The following MAP2K6 variants were observed in gnomAD, a reference collection of about 807,000 sequenced individuals.
MAP2K6 encodes dual specificity mitogen-activated protein kinase kinase 6.
A neutral mutation model predicts 53.7 loss-of-function variants in MAP2K6; 16 were observed. The ratio of observed to expected loss-of-function variants is 0.30; its 90% CI spans 0.20 to 0.45. The LOEUF is 0.45. MAP2K6 is among the 20% of genes least tolerant of loss of function. The pLI, the probability that MAP2K6 is intolerant of heterozygous loss-of-function variation, is 1.00. For missense variants in MAP2K6, 204 were observed against 411.9 expected (o/e 0.50, Z 4.37); for synonymous variants, 132 against 143.1 (o/e 0.92, Z 0.55).
rs569842239 is a variant in MAP2K6, at chr17:69,439,923, A to G, written c.16+24923A>G. Among the ~76,000 whole-genome samples the G allele has an allele frequency of 2.6e-5, 4 of 152,352 alleles. No homozygotes were observed. The East Asian group carries it at 5.8e-4, about 22-fold the overall frequency. ...ATAAGTGTTGTCTCATTTAAATTTC[A>G]TAATAGTTTTACGAAGTTGCTACTA... On this transcript the variant is annotated intron_variant, in intron 1 of 11. Coordinates refer to ENST00000590474, the MANE Select transcript of MAP2K6 (RefSeq NM_002758.4).
Position 69,536,065 on chromosome 17 carries a change from G to A in MAP2K6, c.882-50G>A, listed in dbSNP as rs1268214001. The A allele has an allele frequency of 8.7e-6, 11 of 1,266,010 alleles. No individual in the cohort carries two copies. In the Admixed American group the frequency reaches 1.9e-4, roughly 22 times the overall value. The allele number at this position is 1,266,010 out of a possible 1,614,324, so 78.4% of individuals were successfully genotyped here. On this transcript the variant is annotated intron_variant, in intron 10 of 11. Transcript: ENST00000590474. ...ACAGGTTCTGAAATCCTTGTCTAAT[G>A]AAAATATATATGGCTTCTAGATTTT... is the stretch of plus-strand genomic sequence containing the variant.
intron 1 of MAP2K6, among the ~76,000 whole-genome samples, chr17:69,430,228 C>T (rs1806958): frequency 0.084 from 12,738 of 151,896 alleles, 1,038 homozygotes; most frequent in East Asian, 0.42. Context: ...CTCAGCTACT[C>T]GGGAGGCTGA....
intron 1 of MAP2K6, among the ~76,000 whole-genome samples, chr17:69,470,159 ACACCATTG>A (rs1395556220): frequency 7.9e-5 from 12 of 152,128 alleles, no homozygotes; most frequent in Non-Finnish European, 2.9e-5. Context: ...GAGCCTCATC[ACACCATTG>A]CACTCCAGCC....
chr17:69,419,913 C>A (rs1344869673), intron 1 of MAP2K6, among the ~76,000 whole-genome samples: 122 of 137,468 alleles, frequency 8.9e-4, no homozygotes, highest in African/African-American at 1.0e-3. Flanking sequence ...GACTTCATCT[C>A]AAAAAAAAAA....
chr17:69,445,217 G>T (rs1906935077), intron 1 of MAP2K6, among the ~76,000 whole-genome samples: 1 of 152,188 alleles, frequency 6.6e-6, no homozygotes, highest in Non-Finnish European at 1.5e-5. Context: ...CACCACACCA[G>T]CCCCAAAGTA....
Position 69,545,479 on chromosome 17 carries a change from C to T in MAP2K6, c.*3726C>T, listed in dbSNP as rs1198234073. On this transcript the variant is annotated 3_prime_UTR_variant, in exon 12 of 12. Transcript: ENST00000590474. ...TGAAATGGAAACGAGTATGTATGGGCATGGCTTGAAATTGTTTGTATTTTA... is the reference window on the plus strand; with the variant it reads ...TGAAATGGAAACGAGTATGTATGGGTATGGCTTGAAATTGTTTGTATTTTA... The T allele has an allele frequency of 1.3e-5, 2 of 152,182 alleles. No homozygotes were observed. The highest frequency in any genetic ancestry group is 2.9e-5 in the Non-Finnish European group (2 of 68,034). 9.4% of individuals were successfully genotyped at this position (152,182 alleles called of 1,614,324 possible).
intron 1 of MAP2K6, among the ~76,000 whole-genome samples, chr17:69,427,089 G>A (rs1482573664): frequency 2.0e-5 from 3 of 152,198 alleles, no homozygotes; most frequent in African/African-American, 7.2e-5. Context: ...AATAATCAAC[G>A]TCTAGCTGGG....
intron 1 of MAP2K6, among the ~76,000 whole-genome samples, chr17:69,426,955 A>G (rs1906293169): frequency 6.6e-6 from 1 of 152,196 alleles, no homozygotes; most frequent in Non-Finnish European, 1.5e-5. Flanking sequence ...ATCATATCTC[A>G]TACTTTTAGG....
chr17:69,493,305 GTT>G (rs1491363376), intron 1 of MAP2K6, among the ~76,000 whole-genome samples: 5 of 104,650 alleles, frequency 4.8e-5, no homozygotes, highest in Non-Finnish European at 8.4e-5. Flanking sequence ...CAGTGTATGT[GTT>G]TGTGTGTGTG....
chr17:69,445,222 A>G (rs772962599), intron 1 of MAP2K6, among the ~76,000 whole-genome samples: 4 of 152,222 alleles, frequency 2.6e-5, no homozygotes, highest in Non-Finnish European at 4.4e-5. Context: ...CACCAGCCCC[A>G]AAGTACATTT....
chr17:69,506,347 T>C (rs1455079084), intron 2 of MAP2K6, among the ~76,000 whole-genome samples: 1 of 151,888 alleles, frequency 6.6e-6, no homozygotes, highest in Non-Finnish European at 1.5e-5. Context: ...CTAAGTCAGC[T>C]CAAGTCCTAG....
intron 2 of MAP2K6, among the ~76,000 whole-genome samples, chr17:69,511,671 G>A (rs1909825147): frequency 6.6e-6 from 1 of 152,222 alleles, no homozygotes; most frequent in Non-Finnish European, 1.5e-5. Flanking sequence ...CAGGTGCATT[G>A]CTCCAAGCTG....
At chr17:69,519,197 C>T in intron 4 of MAP2K6, 116 bp from the exon 5 acceptor site, 4 of 1,201,530 alleles carry the variant, frequency 3.3e-6, no homozygotes, top group Non-Finnish European at 4.6e-6. Flanking sequence ...TGGCTATTCA[C>T]AATGTCATCG....
chr17:69,486,317 A>G (rs181750550), intron 1 of MAP2K6, among the ~76,000 whole-genome samples: 41 of 152,330 alleles, frequency 2.7e-4, no homozygotes, highest in African/African-American at 7.0e-4. Context: ...TGGGGGAGAA[A>G]GTACCATTCT....
At chr17:69,508,958 C>T (rs1454589019) in intron 2 of MAP2K6, among the ~76,000 whole-genome samples, 1 of 152,182 alleles carries the variant, frequency 6.6e-6, no homozygotes, top group Admixed American at 6.5e-5. Flanking sequence ...TTATTCTGTT[C>T]CACTGATTTA....
chr17:69,487,619 C>T (rs1034559998), intron 1 of MAP2K6, among the ~76,000 whole-genome samples: 1 of 152,156 alleles, frequency 6.6e-6, no homozygotes, highest in Non-Finnish European at 1.5e-5. Context: ...AAGGGTGAGG[C>T]TTACATTAAT....
intron 1 of MAP2K6, among the ~76,000 whole-genome samples, chr17:69,443,963 T>G (rs559969562): frequency 9.2e-5 from 14 of 152,138 alleles, no homozygotes; most frequent in Non-Finnish European, 1.8e-4. Context: ...CTGGGATGTG[T>G]CTGGGTGTAT....
intron 11 of MAP2K6, among the ~76,000 whole-genome samples, chr17:69,538,090 GAAGTCGTGGGCTC>G (rs1368833387): frequency 6.6e-6 from 1 of 151,660 alleles, no homozygotes; most frequent in Non-Finnish European, 1.5e-5. Context: ...GGCTGGTCTC[GAAGTCGTGGGCTC>G]AAACAATCCC....
At chr17:69,541,245 A>T (rs771226182) in intron 11 of MAP2K6, among the ~76,000 whole-genome samples, 18 of 151,940 alleles carry the variant, frequency 1.2e-4, no homozygotes, top group Non-Finnish European at 1.6e-4. Flanking sequence ...CCTGGGCAAC[A>T]GAGCGAGACT....
Sources: allele counts gnomAD v4.1 joint callset (sites outside exome capture counted in the v4.1 genomes callset), GRCh38; gene constraint gnomAD v4.1.1; transcripts MANE v1.5; gene names NCBI Gene and HGNC (gene_info 2026-07-23, HGNC 2026-07-21).